The following ALK variants were observed in gnomAD, a reference collection of about 807,000 sequenced individuals.
ALK encodes ALK tyrosine kinase receptor.
ALK carries 74 observed loss-of-function variants against 163.1 expected under a neutral mutation model. That is an observed-to-expected ratio of 0.45 (90% CI 0.38 to 0.55). ALK has a LOEUF of 0.55. ALK is among the 20% of genes least tolerant of loss of function. The probability of loss-of-function intolerance (pLI) is 0.00; values close to 1 mark genes in which losing one functional copy is unlikely to be tolerated. For missense variants in ALK, 2,063 were observed against 2,105.3 expected (o/e 0.98, Z 0.39); for synonymous variants, 960 against 843.2 (o/e 1.14, Z -2.40).
At position 29,537,842 on chromosome 2, in the gene ALK, T is replaced by C. The variant is rs577521489; in HGVS notation, c.953-5726A>G. 4.6e-5 allele frequency among the ~76,000 whole-genome samples: 7 copies of C among 152,368 alleles called. No homozygotes were observed. The South Asian group carries it at 1.4e-3, about 32-fold the overall frequency. ...GCCTAAGGCCCTGGGAGCCTACCCGTTGCAGCAGCGTGCCCTGGATGTGGG... is the reference window on the plus strand; with the variant it reads ...GCCTAAGGCCCTGGGAGCCTACCCGCTGCAGCAGCGTGCCCTGGATGTGGG... On this transcript the variant is annotated intron_variant, in intron 3 of 28. Transcript: ENST00000389048.
chr2:29,323,626 A>T (rs1033031845), intron 6 of ALK, among the ~76,000 whole-genome samples: 1 of 152,182 alleles, frequency 6.6e-6, no homozygotes, highest in African/African-American at 2.4e-5. Context: ...CATGATTGTA[A>T]ACTCATCAGG....
At chr2:29,477,941 C>T (rs955387063) in intron 4 of ALK, among the ~76,000 whole-genome samples, 45 of 152,292 alleles carry the variant, frequency 3.0e-4, no homozygotes, top group African/African-American at 1.0e-3. Context: ...GCACTTCTGC[C>T]AGCAGATAAC....
intron 1 of ALK, among the ~76,000 whole-genome samples, chr2:29,869,765 T>C (rs893177239): frequency 6.6e-6 from 1 of 152,100 alleles, no homozygotes; most frequent in Non-Finnish European, 1.5e-5. Flanking sequence ...AAAAATTATA[T>C]GCAATATTAA....
Position 29,642,750 on chromosome 2 carries a change from C to G in ALK, c.952+52100G>C, listed in dbSNP as rs1558422275. On this transcript the variant is annotated intron_variant, in intron 3 of 28. Transcript: ENST00000389048. ...GGCAAATCAAAATAAGCAACAACAA[C>G]AAAAAACCTGTTATAATTTCTTCCA... Among the ~76,000 whole-genome samples, 3 of 152,106 alleles carry G rather than the reference C, an allele frequency of 2.0e-5. No homozygotes were observed. The South Asian group carries it at 6.2e-4, about 32-fold the overall frequency.
intron 1 of ALK, among the ~76,000 whole-genome samples, chr2:29,732,260 G>C (rs1291755394): frequency 6.6e-6 from 1 of 152,200 alleles, no homozygotes; most frequent in Non-Finnish European, 1.5e-5. Context: ...ATAGTAGAAA[G>C]TGTGACTATT....
At chr2:29,588,658 GAGAC>G (rs1674960685) in intron 3 of ALK, among the ~76,000 whole-genome samples, 1 of 152,172 alleles carries the variant, frequency 6.6e-6, no homozygotes, top group South Asian at 2.1e-4. Flanking sequence ...TATGCTTTGT[GAGAC>G]AGACAGGCTT....
intron 1 of ALK, among the ~76,000 whole-genome samples, chr2:29,763,806 G>A (rs1269824694): frequency 6.6e-6 from 1 of 152,120 alleles, no homozygotes; most frequent in Admixed American, 6.5e-5. Context: ...GGCACTGAAA[G>A]GTGACTTGGC....
chr2:29,658,704 T>C (rs2148259962), intron 3 of ALK, among the ~76,000 whole-genome samples: 1 of 152,310 alleles, frequency 6.6e-6, no homozygotes, highest in East Asian at 1.9e-4. Context: ...AGCATACATA[T>C]TAATGCTAGT....
At chr2:29,482,236 G>C (rs1381647570) in intron 4 of ALK, among the ~76,000 whole-genome samples, 1 of 152,140 alleles carries the variant, frequency 6.6e-6, no homozygotes, top group Non-Finnish European at 1.5e-5. Flanking sequence ...GGTCAGGATG[G>C]GATACACCAG....
chr2:29,204,040 T>C (rs1290994784), intron 26 of ALK, among the ~76,000 whole-genome samples: 1 of 152,152 alleles, frequency 6.6e-6, no homozygotes, highest in Non-Finnish European at 1.5e-5. Context: ...TTCTGGAAGG[T>C]TTATTTAGCT....
chr2:29,193,872 C>T lies in ALK; in HGVS notation c.4215G>A (p.Val1405=), dbSNP rs2148139024. ...TALPIEYGPL[V]EEEEKVPVRP... ...TCACAGGCACTTTCTCTTCCTCTTC[C>T]ACAAGTGGACCATATTCTATCGGCA... The change falls in exon 29 of 29, where the codon GTG becomes GTA. Residue 1405 remains valine (V), a synonymous_variant. Coordinates refer to ENST00000389048, the MANE Select transcript of ALK (RefSeq NM_004304.5). The T allele has an allele frequency of 6.2e-7, 1 of 1,614,032 alleles. No individual in the cohort carries two copies. Among genetic ancestry groups the T allele is most frequent in the Non-Finnish European group, 8.5e-7 (1 of 1,179,988 alleles).
At chr2:29,907,065 T>A (rs1054667890) in intron 1 of ALK, 2 of 143,372 alleles carry the variant, frequency 1.4e-5, no homozygotes, top group Non-Finnish European at 3.0e-5. Context: ...TTCTCCTGCC[T>A]CAGCCTCCCG....
intron 5 of ALK, among the ~76,000 whole-genome samples, chr2:29,333,108 G>GT (rs928737453): frequency 2.1e-5 from 3 of 143,792 alleles, no homozygotes; most frequent in Admixed American, 2.0e-4. Context: ...GTGAAGTTGG[G>GT]TTTTTTTGTT....
intron 2 of ALK, among the ~76,000 whole-genome samples, chr2:29,710,688 T>C (rs1679064825): frequency 1.3e-5 from 2 of 152,280 alleles, no homozygotes; most frequent in East Asian, 1.9e-4. Flanking sequence ...ATTTTTGTAT[T>C]TTTAGTAGAG....
intron 1 of ALK, among the ~76,000 whole-genome samples, chr2:29,747,185 C>T (rs1309703575): frequency 6.6e-6 from 1 of 152,198 alleles, no homozygotes; most frequent in East Asian, 1.9e-4. Flanking sequence ...CTCAAACTGT[C>T]CTATGGAAAA....
At chr2:29,382,623 T>A (rs1295038189) in intron 5 of ALK, among the ~76,000 whole-genome samples, 1 of 152,206 alleles carries the variant, frequency 6.6e-6, no homozygotes, top group African/African-American at 2.4e-5. Flanking sequence ...GGTACATAGA[T>A]CCTTGACATC....
rs1419071834 is a variant in ALK, at chr2:29,580,057, A to G, written c.953-47941T>C. 2.6e-5 allele frequency among the ~76,000 whole-genome samples: 4 copies of G among 152,148 alleles called. No homozygotes were observed. The East Asian group carries it at 7.7e-4, about 29-fold the overall frequency. ...CAGCCACAGAATTTATAACGCAGAA[A>G]TTGGCTCTGAGACCCAGCACAGTGG... On this transcript the variant is annotated intron_variant, in intron 3 of 28. Coordinates refer to ENST00000389048, the MANE Select transcript of ALK (RefSeq NM_004304.5).
intron 4 of ALK, among the ~76,000 whole-genome samples, chr2:29,474,975 G>A (rs933392486): frequency 2.6e-5 from 4 of 152,174 alleles, no homozygotes; most frequent in South Asian, 2.1e-4. Context: ...ACTTTGAAGA[G>A]AGGAGTTAGG....
intron 11 of ALK, among the ~76,000 whole-genome samples, chr2:29,256,794 G>A (rs551554475): frequency 2.6e-5 from 4 of 152,202 alleles, no homozygotes; most frequent in Admixed American, 6.5e-5. Flanking sequence ...CCCCGCAGTC[G>A]CTTAGCCTAG....
Sources: gnomAD v4.1 joint callset for allele counts (sites outside exome capture counted in the v4.1 genomes callset) on GRCh38, gnomAD v4.1.1 for gene constraint, MANE v1.5 for transcripts, NCBI Gene and HGNC (gene_info 2026-07-23, HGNC 2026-07-21) for gene names.